Variants in CCPG1 observed in about 807,000 individuals in gnomAD.
The protein encoded by CCPG1 is cell cycle progression protein 1.
Under a neutral mutation model 81.3 loss-of-function variants are expected in CCPG1, and 46 were observed. That is an observed-to-expected ratio of 0.57 (90% CI 0.45 to 0.72). The LOEUF (loss-of-function observed/expected upper bound fraction) is 0.72. Ranked by LOEUF, CCPG1 falls within the 30% of genes least tolerant of loss-of-function variation. The pLI is 0.00. For synonymous variants in CCPG1, 330 were observed against 305.2 expected, an observed-to-expected ratio of 1.08 and a Z score of -0.85; for missense variants, 902 against 937.6, an observed-to-expected ratio of 0.96 and a Z score of 0.50.
chr15:55,395,295 GA>G (rs111778909), intron 1 of CCPG1, among the ~76,000 whole-genome samples: 25,095 of 143,016 alleles, frequency 0.18, 3,882 homozygotes, highest in African/African-American at 0.42. Flanking sequence ...ACAATCAAAG[GA>G]AAAAAAAAAA....
At chr15:55,403,915 C>T (rs2057170303) in intron 1 of CCPG1, among the ~76,000 whole-genome samples, 2 of 152,178 alleles carry the variant, frequency 1.3e-5, no homozygotes, top group Admixed American at 1.3e-4. Flanking sequence ...AAAACTACTA[C>T]TTCCATGATT....
At chr15:55,358,079 T>C (rs72742295) in intron 8 of CCPG1, 34,755 of 152,258 alleles carry the variant, frequency 0.23, 5,087 homozygotes, top group Non-Finnish European at 0.33. Context: ...TTAAGGATGA[T>C]TAAGTAACTT....
intron 1 of CCPG1, among the ~76,000 whole-genome samples, chr15:55,402,059 TAC>T (rs1416962468): frequency 2.0e-5 from 3 of 152,246 alleles, no homozygotes; most frequent in Non-Finnish European, 4.4e-5. Context: ...GTTTCTGACA[TAC>T]AGATTTCATT....
chr15:55,395,384 G>C (rs1241674816), intron 1 of CCPG1, among the ~76,000 whole-genome samples: 1 of 151,942 alleles, frequency 6.6e-6, no homozygotes, highest in East Asian at 1.9e-4. Context: ...ATTATAGCTA[G>C]AGATCTTCAA....
intron 3 of CCPG1, among the ~76,000 whole-genome samples, chr15:55,380,570 T>C (rs546677822): frequency 4.3e-4 from 66 of 151,986 alleles, no homozygotes; most frequent in South Asian, 1.7e-3. Flanking sequence ...GCTGGGATTA[T>C]AGGCATGAGC....
At chr15:55,365,798 A>G (rs2056314775) in intron 6 of CCPG1, among the ~76,000 whole-genome samples, 1 of 151,822 alleles carries the variant, frequency 6.6e-6, no homozygotes, top group Middle Eastern at 3.2e-3. Flanking sequence ...TAAATAGAGA[A>G]TAAGTAACTG....
At chr15:55,405,393 A>G (rs2057199066) in intron 1 of CCPG1, among the ~76,000 whole-genome samples, 1 of 151,854 alleles carries the variant, frequency 6.6e-6, no homozygotes, top group Non-Finnish European at 1.5e-5. Context: ...ATGGTGTCAC[A>G]TGTCTGTGAC....
intron 1 of CCPG1, among the ~76,000 whole-genome samples, chr15:55,394,960 C>T (rs2056987549): frequency 6.6e-6 from 1 of 152,138 alleles, no homozygotes; most frequent in Non-Finnish European, 1.5e-5. Flanking sequence ...CATTTCTTCT[C>T]TGCTATATAG....
intron 1 of CCPG1, among the ~76,000 whole-genome samples, chr15:55,406,215 GC>G (rs747860023): frequency 8.6e-6 from 1 of 116,452 alleles, no homozygotes. Context: ...TGGAATTGCT[GC>G]TTTTTTTTTT....
chr15:55,378,512 A>G (rs1220517292), intron 3 of CCPG1, 136 bp from the exon 4 acceptor site: 1 of 527,380 alleles, frequency 1.9e-6, no homozygotes, highest in Non-Finnish European at 3.3e-6. Context: ...AATGTCACAT[A>G]CAATTATAGA....
chr15:55,395,920 C>A (rs1452198586), intron 1 of CCPG1, among the ~76,000 whole-genome samples: 1 of 152,016 alleles, frequency 6.6e-6, no homozygotes, highest in African/African-American at 2.4e-5. Flanking sequence ...CTTTGGGAGG[C>A]CAAGGCAGGC....
chr15:55,377,191 A>C (rs748225912), intron 4 of CCPG1, 41 bp from the exon 5 acceptor site: 3 of 1,396,232 alleles, frequency 2.1e-6, no homozygotes, highest in Non-Finnish European at 2.0e-6. Context: ...TTCAACAATC[A>C]TTTAAGGGTC....
chr15:55,358,928 C>T, intron 8 of CCPG1: 3 of 963,874 alleles, frequency 3.1e-6, no homozygotes, highest in Non-Finnish European at 3.7e-6. Flanking sequence ...AGGTAAGTTT[C>T]ATGTTACAGA....
At chr15:55,366,323 A>C (rs1272149162) in intron 6 of CCPG1, among the ~76,000 whole-genome samples, 1 of 150,716 alleles carries the variant, frequency 6.6e-6, no homozygotes, top group Non-Finnish European at 1.5e-5. Context: ...TTTTTTTTTT[A>C]ATATTTTGCC....
chr15:55,403,978 GAATAT>G (rs1434574821), intron 1 of CCPG1, among the ~76,000 whole-genome samples: 1 of 152,122 alleles, frequency 6.6e-6, no homozygotes, highest in Admixed American at 6.6e-5. Flanking sequence ...ACTTGCATAA[GAATAT>G]AATTATACAA....
chr15:55,373,133 C>T (rs2056489735), intron 5 of CCPG1: 2 of 432,814 alleles, frequency 4.6e-6, no homozygotes, highest in Admixed American at 3.3e-5. Flanking sequence ...ATCCCAAGTC[C>T]AGGAAACAAA....
chr15:55,366,870 TG>T (rs757081852), intron 6 of CCPG1, among the ~76,000 whole-genome samples: 1 of 152,054 alleles, frequency 6.6e-6, no homozygotes, highest in Non-Finnish European at 1.5e-5. Context: ...GCGTCATGTA[TG>T]GGGGGAAAAA....
chr15:55,376,932 T>C lies in CCPG1; in HGVS notation c.454+17A>G. ...TGGTCGTACATGTCTTTAAGTCTCT[T>C]ATCAGTGTATTCTTACCAGTTTCTG... is the stretch of plus-strand genomic sequence containing the variant. On this transcript the variant is annotated intron_variant, in intron 5 of 8. Transcript: ENST00000442196. 1 of 1,584,462 alleles carries C rather than the reference T, an allele frequency of 6.3e-7. No homozygotes were observed. Among genetic ancestry groups the C allele is most frequent in the Non-Finnish European group, 8.7e-7 (1 of 1,156,068 alleles).
chr15:55,388,180 G>C (rs2056842005), intron 2 of CCPG1, among the ~76,000 whole-genome samples: 2 of 151,876 alleles, frequency 1.3e-5, no homozygotes, highest in Admixed American at 1.3e-4. Context: ...AAGAAAAAAA[G>C]AAAACAAGTG....
Sources: allele counts gnomAD v4.1 joint callset (sites outside exome capture counted in the v4.1 genomes callset), GRCh38; gene constraint gnomAD v4.1.1; transcripts MANE v1.5; gene names NCBI Gene and HGNC (gene_info 2026-07-23, HGNC 2026-07-21).